Variants in GALNT13 observed in about 807,000 individuals in gnomAD.
The protein encoded by GALNT13 is polypeptide N-acetylgalactosaminyltransferase 13.
GALNT13 carries 28 observed loss-of-function variants against 64.2 expected under a neutral mutation model. The ratio of observed to expected loss-of-function variants is 0.44; its 90% confidence interval spans 0.32 to 0.60. The LOEUF (loss-of-function observed/expected upper bound fraction) is 0.60, where lower values mean the gene tolerates loss of function less well. Ranked by LOEUF, GALNT13 falls within the 20% of genes least tolerant of loss-of-function variation. The probability of loss-of-function intolerance (pLI) is 0.05; values close to 1 mark genes in which losing one functional copy is unlikely to be tolerated. For missense variants in GALNT13, 577 were observed against 669.8 expected, an observed-to-expected ratio of 0.86 and a Z score of 1.53; for synonymous variants, 214 against 224.6, an observed-to-expected ratio of 0.95 and a Z score of 0.42.
At chr2:154,225,131 G>C (rs1559034954) in intron 4 of GALNT13, among the ~76,000 whole-genome samples, 3 of 116,666 alleles carry the variant, frequency 2.6e-5, no homozygotes, top group African/African-American at 6.2e-5. Context: ...TAGATAGATA[G>C]ATAGATAGAT....
intron 4 of GALNT13, among the ~76,000 whole-genome samples, chr2:154,174,555 T>G (rs1211872425): frequency 2.6e-5 from 4 of 152,180 alleles, no homozygotes; most frequent in Non-Finnish European, 5.9e-5. Context: ...AACATTAACT[T>G]GTACTTGTCT....
chr2:153,677,395 A>G, the GALNT13 span, among the ~76,000 whole-genome samples: 1 of 152,122 alleles, frequency 6.6e-6, no homozygotes, highest in East Asian at 1.9e-4. Context: ...CACTGCTTAA[A>G]TAAATCAGAA....
At chr2:154,210,348 C>G (rs1408598661) in intron 4 of GALNT13, among the ~76,000 whole-genome samples, 1 of 152,078 alleles carries the variant, frequency 6.6e-6, no homozygotes, top group East Asian at 1.9e-4. Flanking sequence ...TGGATATATA[C>G]CCAGAAGTGG....
At chr2:154,009,484 G>A (rs756517800) in intron 3 of GALNT13, among the ~76,000 whole-genome samples, 14 of 145,454 alleles carry the variant, frequency 9.6e-5, no homozygotes, top group Non-Finnish European at 1.8e-4. Flanking sequence ...TCTATAAATT[G>A]CTATAAGGTG....
the GALNT13 span, among the ~76,000 whole-genome samples, chr2:153,699,324 G>A: frequency 6.6e-6 from 1 of 152,078 alleles, no homozygotes; most frequent in African/African-American, 2.4e-5. Flanking sequence ...AGTATCTCTG[G>A]GACACAGCTA....
chr2:153,080,784 A>G, the GALNT13 span, among the ~76,000 whole-genome samples: 1 of 151,992 alleles, frequency 6.6e-6, no homozygotes. Context: ...TTTCCACTTT[A>G]TGTAATGTTT....
At chr2:154,434,530 A>G (rs1174862515) in intron 11 of GALNT13, among the ~76,000 whole-genome samples, 2 of 152,150 alleles carry the variant, frequency 1.3e-5, no homozygotes, top group African/African-American at 4.8e-5. Flanking sequence ...AACTGCTGGG[A>G]TTAAGGCATA....
At chr2:153,147,012 A>G in the GALNT13 span, among the ~76,000 whole-genome samples, 10 of 151,842 alleles carry the variant, frequency 6.6e-5, no homozygotes, top group African/African-American at 2.4e-5. Flanking sequence ...TATAGTAGAA[A>G]ACCATTAATT....
At chr2:153,095,601 A>G in the GALNT13 span, among the ~76,000 whole-genome samples, 4 of 152,200 alleles carry the variant, frequency 2.6e-5, no homozygotes, top group African/African-American at 7.2e-5. Flanking sequence ...TGTTTATTGC[A>G]GCACTATTCA....
intron 1 of GALNT13, among the ~76,000 whole-genome samples, chr2:153,883,718 G>A (rs1212290385): frequency 6.6e-6 from 1 of 151,914 alleles, no homozygotes; most frequent in Non-Finnish European, 1.5e-5. Flanking sequence ...AATATTTAAT[G>A]TTTAAGGAGT....
chr2:153,683,796 T>A, the GALNT13 span, among the ~76,000 whole-genome samples: 1 of 151,694 alleles, frequency 6.6e-6, no homozygotes, highest in Non-Finnish European at 1.5e-5. Context: ...TCTAATCTTT[T>A]GGGAGTAACT....
the GALNT13 span, among the ~76,000 whole-genome samples, chr2:153,796,979 C>T: frequency 1.3e-5 from 2 of 152,130 alleles, no homozygotes; most frequent in Admixed American, 1.3e-4. Context: ...TTATTTCTAT[C>T]ATTAATTTCA....
chr2:153,861,693 A>G, the GALNT13 span, among the ~76,000 whole-genome samples: 1 of 150,934 alleles, frequency 6.6e-6, no homozygotes, highest in Non-Finnish European at 1.5e-5. Context: ...CAGCCTCCTG[A>G]GTAGCTGGGA....
At chr2:153,825,608 C>CTGTG in the GALNT13 span, among the ~76,000 whole-genome samples, 19,064 of 134,668 alleles carry the variant, frequency 0.14, 1,413 homozygotes, top group Non-Finnish European at 0.18. Context: ...TCCATGAGTG[C>CTGTG]TGTGTGTGTG....
At chr2:153,930,681 C>T (rs1168985652) in intron 2 of GALNT13, among the ~76,000 whole-genome samples, 1 of 151,936 alleles carries the variant, frequency 6.6e-6, no homozygotes, top group Non-Finnish European at 1.5e-5. Context: ...TGGTCTATGT[C>T]TGTTTTTGTA....
chr2:153,634,748 A>G, the GALNT13 span, among the ~76,000 whole-genome samples: 3 of 151,612 alleles, frequency 2.0e-5, no homozygotes, highest in South Asian at 6.3e-4. Flanking sequence ...ACGGGGTTTC[A>G]CCATATTGAC....
At chr2:153,810,224 A>G in the GALNT13 span, among the ~76,000 whole-genome samples, 2 of 152,054 alleles carry the variant, frequency 1.3e-5, no homozygotes, top group African/African-American at 2.4e-5. Flanking sequence ...CAGCCTCCCA[A>G]AGTTCTGGGA....
intron 3 of GALNT13, among the ~76,000 whole-genome samples, chr2:154,003,853 C>T (rs906580544): frequency 2.6e-5 from 4 of 152,132 alleles, no homozygotes; most frequent in Non-Finnish European, 5.9e-5. Context: ...GTAAGATGTG[C>T]CTGCTTCCTC....
intron 7 of GALNT13, among the ~76,000 whole-genome samples, chr2:154,253,036 C>A (rs564973571): frequency 6.6e-6 from 1 of 152,180 alleles, no homozygotes; most frequent in East Asian, 1.9e-4. Flanking sequence ...GATGTTTCTC[C>A]TTTTTTGATA....
Sources: gnomAD v4.1 joint callset for allele counts (sites outside exome capture counted in the v4.1 genomes callset) on GRCh38, gnomAD v4.1.1 for gene constraint, MANE v1.5 for transcripts, NCBI Gene and HGNC (gene_info 2026-07-23, HGNC 2026-07-21) for gene names.